Variants in MCM9 observed in about 807,000 individuals in gnomAD.
The protein encoded by MCM9 is minichromosome maintenance 9 homologous recombination repair factor, also known as DNA helicase MCM9.
MCM9 carries 55 observed loss-of-function variants against 72.8 expected under a neutral mutation model. The observed-to-expected ratio is 0.76, with a 90% CI of 0.61 to 0.95. The LOEUF is 0.95. MCM9 is among the 40% of genes least tolerant of loss of function. The probability of loss-of-function intolerance (pLI) is 0.00; values close to 1 mark genes in which losing one functional copy is unlikely to be tolerated. For missense variants in MCM9, 1,279 were observed against 1,377.0 expected (o/e 0.93, Z 1.13); for synonymous variants, 480 against 503.4 (o/e 0.95, Z 0.62).
intron 9 of MCM9, among the ~76,000 whole-genome samples, chr6:118,855,433 G>GTA (rs1776491361): frequency 6.6e-6 from 1 of 152,054 alleles, no homozygotes; most frequent in Non-Finnish European, 1.5e-5. Flanking sequence ...TCTTTAATGA[G>GTA]TATATATATT....
rs969466659 is a variant in MCM9 at position 118,935,147 on chromosome 6, G to A, written c.-406C>T. ...ACCGCCTCAACTTCCCTGCCCCGGC[G>A]GCTCTTCCGGATGGAGACGAGGCAG... On this transcript the variant is annotated 5_prime_UTR_variant, in exon 1 of 14. Coordinates refer to ENST00000619706, the MANE Select transcript of MCM9 (RefSeq NM_017696.3). The A allele has an allele frequency of 3.3e-5, 5 of 152,238 alleles. No homozygotes were observed. The highest frequency in any genetic ancestry group is 7.3e-5 in the Non-Finnish European group (5 of 68,068). 9.4% of individuals were successfully genotyped at this position (152,238 alleles called of 1,614,324 possible).
intron 9 of MCM9, among the ~76,000 whole-genome samples, chr6:118,854,029 A>G (rs1474964506): frequency 6.6e-6 from 1 of 152,166 alleles, no homozygotes; most frequent in African/African-American, 2.4e-5. Flanking sequence ...TGTATATTTT[A>G]TTTCAATTTC....
chr6:118,895,424 G>T (rs1411413886), intron 8 of MCM9, among the ~76,000 whole-genome samples: 1 of 152,196 alleles, frequency 6.6e-6, no homozygotes. Context: ...TAATTTCCAG[G>T]ACTTAATCTC....
At chr6:118,881,974 C>T (rs1354756581) in intron 8 of MCM9, among the ~76,000 whole-genome samples, 1 of 152,148 alleles carries the variant, frequency 6.6e-6, no homozygotes, top group East Asian at 1.9e-4. Context: ...GATAAGATAT[C>T]GTACCAGGAG....
chr6:118,930,173 C>T (rs11153781), intron 3 of MCM9, among the ~76,000 whole-genome samples: 28,698 of 151,950 alleles, frequency 0.19, 3,188 homozygotes, highest in African/African-American at 0.29. Flanking sequence ...TGCAATGGCG[C>T]GATCTCGGCT....
Position 118,886,055 on chromosome 6 carries a change from C to CA in MCM9, c.1150+25594dup, listed in dbSNP as rs36183265. Among the ~76,000 whole-genome samples the CA allele has an allele frequency of 3.3e-3, 466 of 142,922 alleles. 6 individuals carry two copies. Among genetic ancestry groups the CA allele is most frequent in the Admixed American group, 0.02 (287 of 14,374 alleles). 93.8% of individuals were successfully genotyped at this position (142,922 alleles called of 152,430 possible). ...TATTCTCGTTAGTAGAATAAGGGAC[C>CA]AAAAAAAAAAAACAAAAAACAAAAA... is the stretch of plus-strand genomic sequence containing the variant. On this transcript the variant is annotated intron_variant, in intron 8 of 13. Transcript: ENST00000619706.
intron 8 of MCM9, chr6:118,894,065 G>A (rs1779164850): frequency 9.3e-7 from 1 of 1,078,328 alleles, no homozygotes; most frequent in Non-Finnish European, 1.1e-6. Context: ...ACCAGCAGGT[G>A]GAGCCGCAGT....
intron 8 of MCM9, among the ~76,000 whole-genome samples, chr6:118,879,466 A>G (rs182022058): frequency 1.7e-4 from 26 of 152,356 alleles, no homozygotes; most frequent in African/African-American, 5.5e-4. Flanking sequence ...ACAAGTGTAG[A>G]TATCTGTTAG....
chr6:118,892,244 T>C (rs1778995795), intron 8 of MCM9, among the ~76,000 whole-genome samples: 1 of 152,220 alleles, frequency 6.6e-6, no homozygotes, highest in African/African-American at 2.4e-5. Flanking sequence ...TCTTGCAGCT[T>C]CCAGTGAAAT....
intron 9 of MCM9, among the ~76,000 whole-genome samples, chr6:118,850,719 C>T (rs794869): frequency 0.058 from 8,810 of 151,880 alleles, 473 homozygotes; most frequent in East Asian, 0.19. Context: ...GCATCTGCTC[C>T]GCCTGGGGGT....
At chr6:118,894,604 G>A (rs2114479560) in intron 8 of MCM9, 1 of 1,260,818 alleles carries the variant, frequency 7.9e-7, no homozygotes, top group Admixed American at 2.0e-5. Flanking sequence ...CTCGCGCTGG[G>A]CGGCTGTGTT....
rs59630533 is a variant in MCM9 at position 118,814,390 on chromosome 6, C to CAAAAAAAAAAAA, written c.*422_*433dup. The CAAAAAAAAAAAA allele has an allele frequency of 5.0e-5, 4 of 80,384 alleles. No individual in the cohort carries two copies. Among genetic ancestry groups the CAAAAAAAAAAAA allele is most frequent in the Non-Finnish European group, 5.7e-5 (2 of 35,032 alleles). 5.0% of individuals were successfully genotyped at this position (80,384 alleles called of 1,614,324 possible). ...ACTTAGCCCATTCCAGGTGAAAATACAAAAAAAAAAAAAAAAAGTAGAAAA... is the reference window on the plus strand; with the variant it reads ...ACTTAGCCCATTCCAGGTGAAAATACAAAAAAAAAAAAAAAAAAAAAAAAAAAAAGTAGAAAA... On this transcript the variant is annotated 3_prime_UTR_variant, in exon 14 of 14. Coordinates refer to ENST00000619706, the MANE Select transcript of MCM9 (RefSeq NM_017696.3).
intron 5 of MCM9, chr6:118,918,954 C>A (rs77853397): frequency 6.6e-5 from 10 of 152,226 alleles, no homozygotes; most frequent in Admixed American, 6.5e-4. Flanking sequence ...TACATAGTTA[C>A]AAACACATTA....
intron 9 of MCM9, among the ~76,000 whole-genome samples, chr6:118,842,663 G>A (rs1245848631): frequency 1.3e-5 from 2 of 152,080 alleles, no homozygotes; most frequent in Non-Finnish European, 2.9e-5. Context: ...GGGACCACAG[G>A]CATGCATCAC....
At chr6:118,923,029 C>CAAAAAAAAAA (rs780562520) in intron 4 of MCM9, among the ~76,000 whole-genome samples, 59 of 43,280 alleles carry the variant, frequency 1.4e-3, no homozygotes, top group Middle Eastern at 0.012. Flanking sequence ...AACTCCATCT[C>CAAAAAAAAAA]AAAAAAAAAA....
Position 118,843,684 on chromosome 6 carries a change from A to ATG in MCM9, c.1325+12685_1325+12686dup, listed in dbSNP as rs1338079263. Reference sequence around the variant, plus strand: ...TATATATATATGTATGTATATATATATGTGTATATATATATATATGTATGT... The same window carrying ATG: ...TATATATATATGTATGTATATATATATGTGTGTATATATATATATATGTATGT... On this transcript the variant is annotated intron_variant, in intron 9 of 13. Transcript: ENST00000619706. 2.6e-3 allele frequency among the ~76,000 whole-genome samples: 190 copies of ATG among 72,722 alleles called. 8 individuals are homozygous for ATG. The highest frequency in any genetic ancestry group is 0.016 in the Admixed American group (91 of 5,792). 47.7% of individuals were successfully genotyped at this position (72,722 alleles called of 152,430 possible). A position where few individuals can be genotyped will look rare whatever the true frequency, so the allele number is the denominator to read the frequency against.
At chr6:118,863,790 A>T (rs143761559) in intron 8 of MCM9, among the ~76,000 whole-genome samples, 2 of 152,112 alleles carry the variant, frequency 1.3e-5, no homozygotes, top group Non-Finnish European at 2.9e-5. Context: ...CATCAGCAAG[A>T]AGGCCTTTAC....
chr6:118,900,745 G>A (rs1486892132), intron 8 of MCM9: 4 of 1,484,390 alleles, frequency 2.7e-6, no homozygotes, highest in Non-Finnish European at 3.8e-6. Context: ...ATGAAATAAT[G>A]CTTTGGTTTT....
intron 8 of MCM9, among the ~76,000 whole-genome samples, chr6:118,887,124 C>T (rs574610335): frequency 6.6e-6 from 1 of 152,072 alleles, no homozygotes; most frequent in Admixed American, 6.5e-5. Flanking sequence ...GGCTTCTTTG[C>T]AGAATTGATA....
Sources: allele counts gnomAD v4.1 joint callset (sites outside exome capture counted in the v4.1 genomes callset), GRCh38; gene constraint gnomAD v4.1.1; transcripts MANE v1.5; gene names NCBI Gene and HGNC (gene_info 2026-07-23, HGNC 2026-07-21).